DTWD2: variants seen among roughly 807,000 people sequenced by gnomAD.
The protein encoded by DTWD2 is DTW motif tRNA-uridine aminocarboxypropyltransferase 2, also known as tRNA-uridine aminocarboxypropyltransferase 2.
In DTWD2, 39 loss-of-function variants were observed where a neutral mutation model predicts 31.8. The observed-to-expected ratio is 1.22, with a 90% confidence interval of 0.95 to 1.60. DTWD2 has a LOEUF of 1.60. Ranked by LOEUF, DTWD2 falls within the 40% of genes most tolerant of loss-of-function variation. The pLI, the probability that DTWD2 is intolerant of heterozygous loss-of-function variation, is 0.00. For missense variants in DTWD2, 515 were observed against 381.5 expected, an observed-to-expected ratio of 1.35 and a Z score of -2.92; for synonymous variants, 180 against 142.8, an observed-to-expected ratio of 1.26 and a Z score of -1.86.
intron 4 of DTWD2, among the ~76,000 whole-genome samples, chr5:118,886,329 T>C (rs1025699146): frequency 1.4e-4 from 22 of 152,298 alleles, no homozygotes; most frequent in Admixed American, 1.4e-3. Flanking sequence ...TATCTTGTAG[T>C]CTACAAAGAA....
In DTWD2 at chr5:118,979,043, GC is replaced by G. The variant is rs1474767750; in HGVS notation, c.218+9250del. ...ATAGAGGCCAGGCGCGGTGGCTCACGCCTATAATCCCAGCACTTTGGGAGGC... is the reference window on the plus strand; with the variant it reads ...ATAGAGGCCAGGCGCGGTGGCTCACGCTATAATCCCAGCACTTTGGGAGGC... On this transcript the variant is annotated intron_variant, in intron 1 of 5. Transcript: ENST00000510708. Among the ~76,000 whole-genome samples the G allele has an allele frequency of 2.0e-5, 3 of 151,138 alleles. 1 individual carries two copies. The highest frequency in any genetic ancestry group is 2.0e-4 in the Admixed American group (3 of 15,182).
Position 118,944,599 on chromosome 5 carries a change from T to A in DTWD2, c.269A>T (p.His90Leu), listed in dbSNP as rs143594682. Residue 90 changes from histidine to leucine, a missense_variant, in exon 2 of 6, where the codon CAT (histidine) becomes CTT (leucine). Coordinates refer to ENST00000510708, the MANE Select transcript of DTWD2 (RefSeq NM_173666.4). ...LCPFLPAHPL[H>L]ISTHLYIIQH... The stretch of plus-strand genomic sequence containing the variant: ...AATTATGTACAAGTGGGTAGAGATA[T>A]GCAGAGGGTGCGCTGGGAGAAATGG... The A allele has an allele frequency of 4.2e-5, 67 of 1,613,654 alleles. No individual in the cohort carries two copies. In the African/African-American group the frequency reaches 6.9e-4, roughly 17 times the overall value.
At chr5:118,968,350 A>C (rs1420711419) in intron 1 of DTWD2, among the ~76,000 whole-genome samples, 1 of 152,260 alleles carries the variant, frequency 6.6e-6, no homozygotes, top group Non-Finnish European at 1.5e-5. Context: ...AACATAGTTA[A>C]CAGTACTGTA....
chr5:118,988,353 G>T lies in DTWD2; in HGVS notation c.159C>A (p.Asp53Glu), dbSNP rs1234133893. Residue 53 changes from aspartate (D) to glutamate (E), a missense_variant, in exon 1 of 6, where the codon GAC becomes GAA. Transcript: ENST00000510708. Reference protein sequence around the residue: ...LGAEADDDSADGLWELPVEPA... With the variant: ...LGAEADDDSAEGLWELPVEPA... The stretch of plus-strand genomic sequence containing the variant: ...GCTCCACCGGCAGCTCCCACAGCCC[G>T]TCCGCACTGTCGTCGTCCGCCTCTG... 2 of 1,561,488 alleles carry T rather than the reference G, an allele frequency of 1.3e-6. No homozygotes were observed. The highest frequency in any genetic ancestry group is 1.7e-6 in the Non-Finnish European group (2 of 1,156,180).
chr5:118,975,956 T>G (rs1338520714), intron 1 of DTWD2, among the ~76,000 whole-genome samples: 1 of 152,174 alleles, frequency 6.6e-6, no homozygotes, highest in Non-Finnish European at 1.5e-5. Flanking sequence ...AAAACACTCT[T>G]CAGCAAATGC....
intron 1 of DTWD2, among the ~76,000 whole-genome samples, chr5:118,975,357 TG>T (rs1281627164): frequency 6.6e-6 from 1 of 152,190 alleles, no homozygotes. Context: ...GTTCTCATGC[TG>T]TGTATTTCAG....
intron 4 of DTWD2, among the ~76,000 whole-genome samples, chr5:118,853,941 G>C (rs1454060870): frequency 6.6e-6 from 1 of 152,140 alleles, no homozygotes; most frequent in Admixed American, 6.5e-5. Context: ...ATAAGGAGTG[G>C]AGAAAGGGAC....
chr5:118,937,404 A>C, intron 3 of DTWD2, among the ~76,000 whole-genome samples: 1 of 152,098 alleles, frequency 6.6e-6, no homozygotes, highest in East Asian at 1.9e-4. Context: ...AAAAAACCAT[A>C]AAACTATTGT....
chr5:118,965,313 C>T (rs1252654630), intron 1 of DTWD2, among the ~76,000 whole-genome samples: 2 of 149,392 alleles, frequency 1.3e-5, no homozygotes, highest in African/African-American at 2.5e-5. Flanking sequence ...AGGTGGGGGG[C>T]GTCTCCGCTC....
intron 4 of DTWD2, among the ~76,000 whole-genome samples, chr5:118,851,316 G>GT (rs1248547088): frequency 6.6e-6 from 1 of 151,926 alleles, no homozygotes; most frequent in Admixed American, 6.6e-5. Flanking sequence ...ATGTCGGCTG[G>GT]TCTGAGAAAT....
intron 1 of DTWD2, among the ~76,000 whole-genome samples, chr5:118,957,666 C>T (rs1447565435): frequency 1.3e-5 from 2 of 152,102 alleles, no homozygotes; most frequent in African/African-American, 4.8e-5. Context: ...GATTCAGAAA[C>T]ACTCCCAAGA....
At chr5:118,889,840 A>G (rs543336080) in intron 4 of DTWD2, among the ~76,000 whole-genome samples, 2 of 152,318 alleles carry the variant, frequency 1.3e-5, no homozygotes, top group South Asian at 4.1e-4. Flanking sequence ...ATTTTTCATG[A>G]AAGAATGAAA....
intron 5 of DTWD2, among the ~76,000 whole-genome samples, chr5:118,841,888 T>C (rs1398220864): frequency 6.6e-6 from 1 of 151,870 alleles, no homozygotes; most frequent in African/African-American, 2.4e-5. Flanking sequence ...GCAAAAAAAC[T>C]TAATTAAACA....
rs548081692 is a variant in DTWD2, at chr5:118,902,886, T to C, written c.597+25651A>G. Among the ~76,000 whole-genome samples, 7 of 152,208 alleles carry C rather than the reference T, an allele frequency of 4.6e-5. No individual in the cohort carries two copies. In the East Asian group the frequency reaches 1.2e-3, roughly 25 times the overall value. On this transcript the variant is annotated intron_variant, in intron 4 of 5. Transcript: ENST00000510708. Reference sequence around the variant, plus strand: ...TTATGAATCATTACAATGTTATTAATATCCTTTTATACCACATAGTTTATA... The same window carrying C: ...TTATGAATCATTACAATGTTATTAACATCCTTTTATACCACATAGTTTATA...
chr5:118,942,942 A>G (rs1754238674), intron 2 of DTWD2, among the ~76,000 whole-genome samples: 2 of 152,108 alleles, frequency 1.3e-5, no homozygotes, highest in African/African-American at 4.8e-5. Context: ...AGCTAGGCCT[A>G]TAGGCATACA....
At chr5:118,972,210 T>A (rs1258279837) in intron 1 of DTWD2, among the ~76,000 whole-genome samples, 1 of 151,680 alleles carries the variant, frequency 6.6e-6, no homozygotes, top group Non-Finnish European at 1.5e-5. Context: ...AAAATAACAA[T>A]AAATAGACTG....
intron 4 of DTWD2, among the ~76,000 whole-genome samples, chr5:118,855,150 G>A (rs1014804639): frequency 8.0e-5 from 12 of 149,580 alleles, no homozygotes; most frequent in African/African-American, 2.7e-4. Flanking sequence ...CTGGATGACA[G>A]AGCAAAACTC....
At chr5:118,899,045 T>C (rs746609354) in intron 4 of DTWD2, among the ~76,000 whole-genome samples, 2 of 152,232 alleles carry the variant, frequency 1.3e-5, no homozygotes, top group Non-Finnish European at 2.9e-5. Flanking sequence ...TGAGGTAGAA[T>C]TCAGTGATGC....
intron 1 of DTWD2, among the ~76,000 whole-genome samples, chr5:118,945,206 C>T (rs979025864): frequency 6.6e-6 from 1 of 152,112 alleles, no homozygotes; most frequent in African/African-American, 2.4e-5. Flanking sequence ...TTTGCCTTTT[C>T]CATTTAACTT....
Sources: allele counts gnomAD v4.1 joint callset (sites outside exome capture counted in the v4.1 genomes callset), GRCh38; gene constraint gnomAD v4.1.1; transcripts MANE v1.5; gene names NCBI Gene and HGNC (gene_info 2026-07-23, HGNC 2026-07-21).